HLA-DRB5: variants seen among roughly 807,000 people sequenced by gnomAD.
HLA-DRB5 encodes the protein major histocompatibility complex, class II, DR beta 5, also known as DR beta-5.
Under a neutral mutation model 22.4 loss-of-function variants are expected in HLA-DRB5, and 11 were observed. The observed-to-expected ratio is 0.49, with a 90% CI of 0.31 to 0.81. HLA-DRB5 has a LOEUF of 0.81. Among genes scored for constraint, HLA-DRB5 ranks in the 40% least tolerant of loss-of-function variants. The pLI is 0.05. For missense variants in HLA-DRB5, 106 were observed against 274.4 expected, an observed-to-expected ratio of 0.39 and a Z score of 4.34; for synonymous variants, 57 against 106.0, an observed-to-expected ratio of 0.54 and a Z score of 2.84.
At chr6:32,521,216 AAC>A (rs1281723108) in intron 2 of HLA-DRB5, among the ~76,000 whole-genome samples, 719 of 41,496 alleles carry the variant, frequency 0.017, no homozygotes, top group Middle Eastern at 0.071. Context: ...ATAAAATAGT[AAC>A]AGTGTATTAA....
chr6:32,525,084 G>A (rs115651309), intron 1 of HLA-DRB5, among the ~76,000 whole-genome samples: 5,369 of 51,622 alleles, frequency 0.1, 483 homozygotes, highest in Middle Eastern at 0.14. Context: ...TTGCATCTCT[G>A]CCCCCACTCT....
At chr6:32,528,176 G>GTTA (rs1309861920) in intron 1 of HLA-DRB5, among the ~76,000 whole-genome samples, 8 of 52,196 alleles carry the variant, frequency 1.5e-4, no homozygotes, top group Admixed American at 9.2e-4. Context: ...ACTTTCTCAA[G>GTTA]TAGGGCTCTC....
chr6:32,520,626 G>A (rs4504496), intron 2 of HLA-DRB5, among the ~76,000 whole-genome samples: 11,667 of 77,780 alleles, frequency 0.15, no homozygotes, highest in Admixed American at 0.2. Context: ...ATTACTTGGG[G>A]TGCTTATGCC....
Position 32,526,670 on chromosome 6 carries a change from C to T in HLA-DRB5, c.100+3455G>A, listed in dbSNP as rs1293320252. 1.3e-4 allele frequency among the ~76,000 whole-genome samples: 5 copies of T among 38,064 alleles called. 2 individuals are homozygous for T. The highest frequency in any genetic ancestry group is 2.7e-4 in the Non-Finnish European group (5 of 18,674). 25.0% of individuals were successfully genotyped at this position (38,064 alleles called of 152,430 possible). A position where few individuals can be genotyped will look rare whatever the true frequency, so the allele number is the denominator to read the frequency against. The stretch of plus-strand genomic sequence containing the variant: ...AAGTAGCTGGGACTACAGGCACCCA[C>T]CACCATGCCCAGCTAATTTTTTGTA... On this transcript the variant is annotated intron_variant, in intron 1 of 5. Transcript: ENST00000374975.
intron 1 of HLA-DRB5, among the ~76,000 whole-genome samples, chr6:32,523,252 T>C (rs143977933): frequency 0.016 from 527 of 33,834 alleles, 43 homozygotes; most frequent in Middle Eastern, 0.062. Context: ...TTTGGCAAAT[T>C]TCACCTGATA....
At chr6:32,520,641 A>C (rs112031986) in intron 2 of HLA-DRB5, among the ~76,000 whole-genome samples, 9,391 of 92,066 alleles carry the variant, frequency 0.1, no homozygotes, top group Admixed American at 0.13. Context: ...TATGCCTAGG[A>C]AAATCCCTAA....
At position 32,521,535 on chromosome 6, in the gene HLA-DRB5, C is replaced by T. The variant is rs557299645; in HGVS notation, c.370+370G>A. Among the ~76,000 whole-genome samples the T allele has an allele frequency of 1.2e-3, 150 of 126,030 alleles. 2 individuals carry two copies. The highest frequency in any genetic ancestry group is 1.9e-3 in the Non-Finnish European group (108 of 58,014). The allele number at this position is 126,030 out of a possible 152,430, so 82.7% of individuals were successfully genotyped here. A position where few individuals can be genotyped will look rare whatever the true frequency, so the allele number is the denominator to read the frequency against. On this transcript the variant is annotated intron_variant, in intron 2 of 5. Coordinates refer to ENST00000374975, the MANE Select transcript of HLA-DRB5 (RefSeq NM_002125.4). ...TAAACCTTCACCCCAACCACACACACCTTACACTTTCCTTCCCTGCATCTC... is the reference window on the plus strand; with the variant it reads ...TAAACCTTCACCCCAACCACACACATCTTACACTTTCCTTCCCTGCATCTC...
At chr6:32,528,534 G>C (rs1490224338) in intron 1 of HLA-DRB5, among the ~76,000 whole-genome samples, 8 of 42,088 alleles carry the variant, frequency 1.9e-4, no homozygotes, top group East Asian at 1.3e-3. Context: ...TGTCACACTA[G>C]AATCCTTCTC....
chr6:32,517,860 G>A (rs1768308226), intron 5 of HLA-DRB5, 108 bp from the exon 6 acceptor site: 1 of 367,918 alleles, frequency 2.7e-6, no homozygotes, highest in African/African-American at 3.8e-5. Flanking sequence ...AGAAAAACAA[G>A]TTCCTAAGTC....
At chr6:32,524,613 CG>C (rs1769373319) in intron 1 of HLA-DRB5, among the ~76,000 whole-genome samples, 3 of 125,650 alleles carry the variant, frequency 2.4e-5, no homozygotes, top group Non-Finnish European at 5.1e-5. Context: ...CACAAAGCTC[CG>C]TTTGCCCTTT....
chr6:32,528,211 A>G (rs796741500), intron 1 of HLA-DRB5, among the ~76,000 whole-genome samples: 1,512 of 60,856 alleles, frequency 0.025, 12 homozygotes, highest in Admixed American at 0.036. Flanking sequence ...AAAGTAGGTG[A>G]ATCCATTTCT....
chr6:32,524,156 A>AT (rs1769300824), intron 1 of HLA-DRB5, among the ~76,000 whole-genome samples: 2 of 41,314 alleles, frequency 4.8e-5, no homozygotes, highest in Admixed American at 6.2e-4. Context: ...TGTATTGAAA[A>AT]ATATCTGTGA....
intron 1 of HLA-DRB5, among the ~76,000 whole-genome samples, chr6:32,525,617 C>T (rs529756851): frequency 2.1e-4 from 22 of 102,496 alleles, no homozygotes; most frequent in Non-Finnish European, 3.7e-4. Context: ...TTTCTACATG[C>T]TCAGATTTAA....
rs75979302 is a variant in HLA-DRB5, at chr6:32,526,336, A to C, written c.100+3789T>G. Among the ~76,000 whole-genome samples the C allele has an allele frequency of 8.3e-3, 175 of 21,078 alleles. 9 individuals are homozygous for C. The highest frequency in any genetic ancestry group is 8.3e-3 in the Admixed American group (12 of 1,452). 13.8% of individuals were successfully genotyped at this position (21,078 alleles called of 152,430 possible). On this transcript the variant is annotated intron_variant, in intron 1 of 5. Coordinates refer to ENST00000374975, the MANE Select transcript of HLA-DRB5 (RefSeq NM_002125.4). ...TTTCTTGACTTACACATATGATGTA[A>C]TCTTGGTTTTTTCCCAACATCCCTG... is the stretch of plus-strand genomic sequence containing the variant.
chr6:32,520,773 T>C (rs1162284096), intron 2 of HLA-DRB5, among the ~76,000 whole-genome samples: 68 of 39,670 alleles, frequency 1.7e-3, no homozygotes, highest in Non-Finnish European at 2.2e-3. Context: ...TTTTGGAATA[T>C]ATTTTATTAA....
chr6:32,530,013 T>C, intron 1 of HLA-DRB5, 112 bp downstream of exon 1: 1 of 644,510 alleles, frequency 1.6e-6, no homozygotes, highest in Non-Finnish European at 2.7e-6. Context: ...AGATGGGCAA[T>C]CTCTGAAGAA....
chr6:32,526,163 G>T (rs1277161933), intron 1 of HLA-DRB5, among the ~76,000 whole-genome samples: 14 of 88,350 alleles, frequency 1.6e-4, no homozygotes, highest in East Asian at 6.1e-4. Flanking sequence ...GTCCAATCCA[G>T]TTTCCTCCCT....
Position 32,522,152 on chromosome 6 carries a change from C to CGTAGAG in HLA-DRB5, c.122_123insCTCTAC (p.Lys41delinsAsnSerThr). On this transcript the variant is annotated protein_altering_variant, in exon 2 of 6. Coordinates refer to ENST00000374975, the MANE Select transcript of HLA-DRB5 (RefSeq NM_002125.4). Reference sequence around the variant, plus strand: ...TCCCGTTGAAGAAATGACACTCATACTTATCCTGCTGCAAGAAACGTGCTG... The same window carrying CGTAGAG: ...TCCCGTTGAAGAAATGACACTCATACGTAGAGTTATCCTGCTGCAAGAAACGTGCTG... The CGTAGAG allele has an allele frequency of 1.1e-6, 1 of 895,280 alleles. No homozygotes were observed. Among genetic ancestry groups the CGTAGAG allele is most frequent in the Admixed American group, 2.5e-5 (1 of 40,258 alleles). The allele number at this position is 895,280 out of a possible 1,614,324, so 55.5% of individuals were successfully genotyped here. A position where few individuals can be genotyped will look rare whatever the true frequency, so the allele number is the denominator to read the frequency against.
chr6:32,524,863 T>C (rs796185175), intron 1 of HLA-DRB5, among the ~76,000 whole-genome samples: 1,749 of 45,790 alleles, frequency 0.038, 32 homozygotes, highest in Non-Finnish European at 0.053. Context: ...TCCAATAAAT[T>C]GTGGTCGTGT....
Sources: gnomAD v4.1 joint callset for allele counts (sites outside exome capture counted in the v4.1 genomes callset) on GRCh38, gnomAD v4.1.1 for gene constraint, MANE v1.5 for transcripts, NCBI Gene and HGNC (gene_info 2026-07-23, HGNC 2026-07-21) for gene names.